Variants in OIT3 observed in about 807,000 individuals in gnomAD.
OIT3 encodes the protein oncoprotein induced transcript 3.
A neutral mutation model predicts 52.2 loss-of-function variants in OIT3; 41 were observed. The ratio of observed to expected loss-of-function variants is 0.79; its 90% CI spans 0.61 to 1.02. The LOEUF (loss-of-function observed/expected upper bound fraction) is 1.02, where lower values mean the gene tolerates loss of function less well. OIT3 is among the 50% of genes least tolerant of loss of function. OIT3 has a pLI of 0.00. For missense variants in OIT3, 634 were observed against 715.5 expected (o/e 0.89, Z 1.30); for synonymous variants, 244 against 276.9 (o/e 0.88, Z 1.18).
chr10:72,903,863 A>T (rs1845954454), intron 3 of OIT3, among the ~76,000 whole-genome samples: 1 of 152,100 alleles, frequency 6.6e-6, no homozygotes, highest in South Asian at 2.1e-4. Flanking sequence ...AATAAGTAGA[A>T]GTTTATTTCT....
intron 8 of OIT3, 78 bp from the exon 9 acceptor site, chr10:72,932,276 T>G: frequency 2.4e-6 from 3 of 1,247,946 alleles, no homozygotes; most frequent in Non-Finnish European, 3.5e-6. Context: ...TTTAGGAACA[T>G]TTAGTATTGT....
intron 4 of OIT3, 67 bp downstream of exon 4, chr10:72,906,785 T>C (rs1238934857): frequency 2.1e-6 from 3 of 1,447,802 alleles, no homozygotes; most frequent in Non-Finnish European, 2.8e-6. Flanking sequence ...TTCTCTGATG[T>C]TCAGGAAACT....
intron 4 of OIT3, among the ~76,000 whole-genome samples, chr10:72,907,318 G>A (rs144036043): frequency 6.7e-4 from 102 of 152,068 alleles, no homozygotes; most frequent in African/African-American, 2.3e-3. Flanking sequence ...ACTTTAATGT[G>A]CCCACGAATC....
At chr10:72,909,072 A>T (rs574692165) in intron 4 of OIT3, among the ~76,000 whole-genome samples, 7 of 149,208 alleles carry the variant, frequency 4.7e-5, no homozygotes, top group African/African-American at 1.5e-4. Flanking sequence ...TAGTTTTTCA[A>T]TCCTCACCCT....
At chr10:72,921,861 G>A (rs570116798) in intron 6 of OIT3, among the ~76,000 whole-genome samples, 4 of 151,794 alleles carry the variant, frequency 2.6e-5, no homozygotes, top group East Asian at 3.9e-4. Flanking sequence ...TAGTAGAGAC[G>A]GGGTTTCATC....
In OIT3 at chr10:72,911,826, C is replaced by A. The variant is rs374485108; in HGVS notation, c.777C>A (p.Asn259Lys). The A allele has an allele frequency of 6.2e-6, 10 of 1,613,200 alleles. No homozygotes were observed. Among genetic ancestry groups the A allele is most frequent in the Middle Eastern group, 1.6e-4 (1 of 6,078 alleles). ...CPRGLVLSED[N>K]HTCQVPVLCK... Reference sequence around the variant, plus strand: ...GGGGCCTGGTGCTGTCTGAGGATAACCACACTTGCCAAGGTAGTACATGGG... The same window carrying A: ...GGGGCCTGGTGCTGTCTGAGGATAAACACACTTGCCAAGGTAGTACATGGG... The change falls in exon 5 of 9, where the codon AAC becomes AAA. Residue 259 changes from asparagine to lysine, a missense_variant. Asn to Lys is a moderately conservative substitution (Grantham distance 94). Transcript: ENST00000334011.
chr10:72,895,962 C>G (rs1253696701), intron 1 of OIT3, among the ~76,000 whole-genome samples: 1 of 152,126 alleles, frequency 6.6e-6, no homozygotes, highest in East Asian at 1.9e-4. Context: ...GATTGGATTG[C>G]TGCCTTAAAA....
intron 1 of OIT3, among the ~76,000 whole-genome samples, chr10:72,898,153 G>A (rs1390242851): frequency 1.3e-5 from 2 of 151,804 alleles, no homozygotes; most frequent in Non-Finnish European, 2.9e-5. Context: ...CAGGTGTGGT[G>A]GCATACGCTT....
At chr10:72,910,795 T>C (rs968326904) in intron 4 of OIT3, among the ~76,000 whole-genome samples, 2 of 152,204 alleles carry the variant, frequency 1.3e-5, no homozygotes, top group African/African-American at 4.8e-5. Context: ...TGGTAAATAC[T>C]TTAGGCTTTG....
At chr10:72,910,392 A>G (rs1338532592) in intron 4 of OIT3, among the ~76,000 whole-genome samples, 1 of 152,156 alleles carries the variant, frequency 6.6e-6, no homozygotes, top group Non-Finnish European at 1.5e-5. Context: ...GCGGTGGCTC[A>G]CGCCTGTAAT....
chr10:72,917,167 A>C (rs1846079998), intron 6 of OIT3, among the ~76,000 whole-genome samples: 3 of 152,272 alleles, frequency 2.0e-5, no homozygotes, highest in Admixed American at 2.0e-4. Flanking sequence ...TAGTTTAATT[A>C]GATCCCATTT....
chr10:72,932,415 C>T lies in OIT3; in HGVS notation c.1529C>T (p.Ala510Val), dbSNP rs1846224538. The T allele has an allele frequency of 6.2e-7, 1 of 1,614,010 alleles. No individual in the cohort carries two copies. Among genetic ancestry groups the T allele is most frequent in the East Asian group, 2.2e-5 (1 of 44,880 alleles). ...GTGTTGGACGAGCGTTCCCGCTGTG[C>T]CCAGGGTTGCCACCGGCGAATGCGT... ...CGVLDERSRC[A>V]QGCHRRMRRG... Residue 510 changes from alanine to valine, a missense_variant, in exon 9 of 9, where the codon GCC becomes GTC. By Grantham distance (64) the Ala-to-Val change is moderately conservative. Coordinates refer to ENST00000334011, the MANE Select transcript of OIT3 (RefSeq NM_152635.3).
chr10:72,906,713 G>A lies in OIT3; in HGVS notation c.662G>A (p.Cys221Tyr). ...GRVLRSDGKT[C>Y]EDVEGCHNNN... ...GTGCTAAGAAGTGATGGCAAGACTTGTGAAGGTGAGAATGGGCAAAAAGGG... is the reference window on the plus strand; with the variant it reads ...GTGCTAAGAAGTGATGGCAAGACTTATGAAGGTGAGAATGGGCAAAAAGGG... The change falls in exon 4 of 9, where the codon TGT becomes TAT. Residue 221 changes from cysteine to tyrosine, a missense_variant. Transcript: ENST00000334011. 6.3e-7 allele frequency: 1 copy of A among 1,577,718 alleles called. No individual in the cohort carries two copies. The highest frequency in any genetic ancestry group is 8.6e-7 in the Non-Finnish European group (1 of 1,162,816).
chr10:72,914,178 G>A (rs151161728), intron 6 of OIT3, among the ~76,000 whole-genome samples: 1 of 152,274 alleles, frequency 6.6e-6, no homozygotes, highest in African/African-American at 2.4e-5. Flanking sequence ...GGATATGCAG[G>A]CCTGTGCAGA....
intron 5 of OIT3, among the ~76,000 whole-genome samples, chr10:72,912,979 A>G (rs1239073718): frequency 6.6e-6 from 1 of 152,182 alleles, no homozygotes; most frequent in Non-Finnish European, 1.5e-5. Flanking sequence ...TGTGTTGCTA[A>G]TAAATTGTGT....
intron 3 of OIT3, among the ~76,000 whole-genome samples, 178 bp downstream of exon 3, chr10:72,900,662 A>G (rs1175006858): frequency 6.6e-6 from 1 of 152,216 alleles, no homozygotes; most frequent in Non-Finnish European, 1.5e-5. Context: ...TATCATGATT[A>G]GGGACAGCAG....
intron 1 of OIT3, among the ~76,000 whole-genome samples, chr10:72,895,410 GGAT>G (rs1372497600): frequency 6.6e-6 from 1 of 152,096 alleles, no homozygotes; most frequent in Non-Finnish European, 1.5e-5. Flanking sequence ...AGCTCCTCAA[GGAT>G]GATATTTGGC....
chr10:72,930,442 C>A, intron 7 of OIT3, 96 bp from the exon 8 acceptor site: 1 of 870,552 alleles, frequency 1.1e-6, no homozygotes, highest in Non-Finnish European at 2.0e-6. Context: ...CCTCCTCCAC[C>A]CCTTTGGCTC....
chr10:72,895,935 C>A (rs929173442), intron 1 of OIT3, among the ~76,000 whole-genome samples: 3 of 152,106 alleles, frequency 2.0e-5, no homozygotes, highest in Non-Finnish European at 2.9e-5. Flanking sequence ...GATATAAGAC[C>A]AGTGGCCAGA....
Sources: allele counts gnomAD v4.1 joint callset (sites outside exome capture counted in the v4.1 genomes callset), GRCh38; gene constraint gnomAD v4.1.1; transcripts MANE v1.5; gene names NCBI Gene and HGNC (gene_info 2026-07-23, HGNC 2026-07-21).